The following IGF2R variants were observed in gnomAD, a reference collection of about 807,000 sequenced individuals.
The protein encoded by IGF2R is cation-independent mannose-6-phosphate receptor.
Under a neutral mutation model 270.6 loss-of-function variants are expected in IGF2R, and 91 were observed. The observed-to-expected ratio is 0.34, with a 90% CI of 0.28 to 0.40. The LOEUF (loss-of-function observed/expected upper bound fraction) is 0.40, where lower values mean the gene tolerates loss of function less well. IGF2R is among the 10% of genes least tolerant of loss of function. IGF2R has a pLI of 1.00. For synonymous variants in IGF2R, 1,316 were observed against 1,258.9 expected (o/e 1.05, Z -0.96); for missense variants, 2,805 against 3,188.3 (o/e 0.88, Z 2.90).
At chr6:160,015,264 T>C (rs1221729647) in intron 4 of IGF2R, among the ~76,000 whole-genome samples, 1 of 152,224 alleles carries the variant, frequency 6.6e-6, no homozygotes, top group African/African-American at 2.4e-5. Context: ...AACTATCTAC[T>C]TTGAAATGAT....
At chr6:160,104,186 T>C (rs186998000) in intron 47 of IGF2R, among the ~76,000 whole-genome samples, 9 of 152,258 alleles carry the variant, frequency 5.9e-5, no homozygotes, top group Non-Finnish European at 1.2e-4. Context: ...ATTATCTGGA[T>C]CAAAGGACAT....
chr6:159,986,531 G>A (rs1783890868), intron 1 of IGF2R, among the ~76,000 whole-genome samples: 1 of 151,566 alleles, frequency 6.6e-6, no homozygotes, highest in African/African-American at 2.4e-5. Flanking sequence ...GCCTCCCAAA[G>A]TGCTGTGATT....
chr6:160,025,798 A>G (rs1393656600), intron 5 of IGF2R, among the ~76,000 whole-genome samples: 2 of 152,218 alleles, frequency 1.3e-5, no homozygotes, highest in Non-Finnish European at 2.9e-5. Flanking sequence ...GTTTGGTTAT[A>G]GAGTTGATGA....
chr6:160,060,776 G>C (rs970954051), intron 23 of IGF2R, 59 bp downstream of exon 23: 10 of 1,523,910 alleles, frequency 6.6e-6, no homozygotes, highest in Admixed American at 5.2e-5. Flanking sequence ...GTGTGTGAGT[G>C]GATATGAAGG....
chr6:160,079,921 T>C (rs1463150315), intron 38 of IGF2R, 134 bp downstream of exon 38: 3 of 968,242 alleles, frequency 3.1e-6, no homozygotes, highest in South Asian at 3.4e-5. Flanking sequence ...GAATGTGAGC[T>C]GTTCCTCTGT....
At chr6:159,981,203 A>G (rs1209371823) in intron 1 of IGF2R, among the ~76,000 whole-genome samples, 1 of 152,138 alleles carries the variant, frequency 6.6e-6, no homozygotes, top group African/African-American at 2.4e-5. Flanking sequence ...GGCAGGCCAG[A>G]GTGGCATCCT....
intron 44 of IGF2R, chr6:160,090,359 G>T: frequency 3.7e-6 from 1 of 267,394 alleles, no homozygotes; most frequent in Non-Finnish European, 7.0e-6. Context: ...GTCTGATCCA[G>T]TGGTTCTGAG....
chr6:160,088,649 T>C (rs1262308232), intron 42 of IGF2R, among the ~76,000 whole-genome samples: 1 of 152,114 alleles, frequency 6.6e-6, no homozygotes, highest in Admixed American at 6.5e-5. Context: ...TTCCAGACGC[T>C]GAGTTTGGAA....
intron 11 of IGF2R, 69 bp downstream of exon 11, chr6:160,040,793 G>A (rs1583274770): frequency 6.8e-7 from 1 of 1,467,844 alleles, no homozygotes; most frequent in East Asian, 2.3e-5. Flanking sequence ...GAGTACTTTT[G>A]GAAATGCGGT....
At chr6:160,086,753 T>TC (rs1250336343) in intron 41 of IGF2R, among the ~76,000 whole-genome samples, 2 of 152,042 alleles carry the variant, frequency 1.3e-5, no homozygotes, top group African/African-American at 4.8e-5. Flanking sequence ...GAGCCTAGAG[T>TC]CCCACCTCCC....
intron 39 of IGF2R, among the ~76,000 whole-genome samples, chr6:160,082,383 C>T (rs1583297923): frequency 1.3e-5 from 2 of 151,444 alleles, no homozygotes; most frequent in Middle Eastern, 3.2e-3. Flanking sequence ...AGTCTTGGCT[C>T]ACTGCAAGCT....
chr6:160,066,777 G>A (rs950958929), intron 29 of IGF2R, among the ~76,000 whole-genome samples: 8 of 152,098 alleles, frequency 5.3e-5, no homozygotes, highest in African/African-American at 1.9e-4. Context: ...CCTCTGCCTT[G>A]GCTTTGTTAG....
At chr6:159,987,474 C>T (rs1783905441) in intron 1 of IGF2R, among the ~76,000 whole-genome samples, 1 of 152,214 alleles carries the variant, frequency 6.6e-6, no homozygotes. Context: ...TCACTGCAAC[C>T]TCTACCTCCC....
Position 159,969,240 on chromosome 6 carries a change from C to T in IGF2R, c.-7C>T. ...TCGCGCCCGCCGCGCAGTCCGGGCC[C>T]GGCGCGATGGGGGCCGCCGCCGGCC... On this transcript the variant is annotated 5_prime_UTR_variant, in exon 1 of 48. Coordinates refer to ENST00000356956, the MANE Select transcript of IGF2R (RefSeq NM_000876.4). 4 of 1,011,840 alleles carry T rather than the reference C, an allele frequency of 4.0e-6. No homozygotes were observed. Among genetic ancestry groups the T allele is most frequent in the Non-Finnish European group, 4.7e-6 (4 of 850,040 alleles). 62.7% of individuals were successfully genotyped at this position (1,011,840 alleles called of 1,614,324 possible). A position where few individuals can be genotyped will look rare whatever the true frequency, so the allele number is the denominator to read the frequency against.
intron 44 of IGF2R, among the ~76,000 whole-genome samples, chr6:160,092,138 C>G (rs1779240860): frequency 1.1e-5 from 1 of 92,346 alleles, no homozygotes; most frequent in African/African-American, 4.5e-5. Context: ...CCTGGGAAGG[C>G]CCACCTTCTC....
rs750441422 is a variant in IGF2R at position 160,102,492 on chromosome 6, G to A, written c.6843-27G>A. 104 of 1,602,858 alleles carry A rather than the reference G, an allele frequency of 6.5e-5. No homozygotes were observed. The highest frequency in any genetic ancestry group is 8.5e-5 in the Non-Finnish European group (100 of 1,173,308). On this transcript the variant is annotated intron_variant, in intron 45 of 47. Transcript: ENST00000356956. The surrounding 1 kb of genome is among the most constrained non-coding windows in gnomAD (Gnocchi z 4.5). ...TGGCAGCAGGACCACCCTGTGACAC[G>A]GCTCCTTTTCTGTGACGTCCTTGCA...
At chr6:160,096,024 T>C (rs1265892939) in intron 44 of IGF2R, 1 of 154,212 alleles carries the variant, frequency 6.5e-6, no homozygotes, top group Non-Finnish European at 1.4e-5. Flanking sequence ...AGGAATTATA[T>C]AGAAAGGGAA....
chr6:160,111,031 T>G lies in IGF2R; in HGVS notation c.*5947T>G, dbSNP rs1196692443. ...GTGACTATGATACTGCTTTGTGTATTTAAAATTTTCAGAGAGTAGATCTTG... is the reference window on the plus strand; with the variant it reads ...GTGACTATGATACTGCTTTGTGTATGTAAAATTTTCAGAGAGTAGATCTTG... On this transcript the variant is annotated 3_prime_UTR_variant, in exon 48 of 48. Coordinates refer to ENST00000356956, the MANE Select transcript of IGF2R (RefSeq NM_000876.4). 1 of 152,230 alleles carries G rather than the reference T, an allele frequency of 6.6e-6. No individual in the cohort carries two copies. The highest frequency in any genetic ancestry group is 1.5e-5 in the Non-Finnish European group (1 of 68,042). The allele number at this position is 152,230 out of a possible 1,614,324, so 9.4% of individuals were successfully genotyped here.
chr6:159,969,330 G>C lies in IGF2R; in HGVS notation c.84G>C (p.Leu28=). ...RPQRSLLLLQ[L]LLLVAAPGST... Reference sequence around the variant, plus strand: ...AGCGCTCTCTGCTCCTGCTGCAGCTGCTGCTGCTCGTCGCTGCCCCGGGGT... The same window carrying C: ...AGCGCTCTCTGCTCCTGCTGCAGCTCCTGCTGCTCGTCGCTGCCCCGGGGT... The change falls in exon 1 of 48, where the codon CTG becomes CTC. Residue 28 remains leucine, a synonymous_variant. Coordinates refer to ENST00000356956, the MANE Select transcript of IGF2R (RefSeq NM_000876.4). The C allele has an allele frequency of 7.6e-7, 1 of 1,308,874 alleles. No homozygotes were observed. The highest frequency in any genetic ancestry group is 9.8e-7 in the Non-Finnish European group (1 of 1,024,398). 81.1% of individuals were successfully genotyped at this position (1,308,874 alleles called of 1,614,324 possible). A position where few individuals can be genotyped will look rare whatever the true frequency, so the allele number is the denominator to read the frequency against.
Sources: gnomAD v4.1 joint callset for allele counts (sites outside exome capture counted in the v4.1 genomes callset) on GRCh38, gnomAD v4.1.1 for gene constraint, Gnocchi (gnomAD v3.1) non-coding constraint, MANE v1.5 for transcripts, NCBI Gene and HGNC (gene_info 2026-07-23, HGNC 2026-07-21) for gene names.